Variants in MTPN observed in about 807,000 individuals in gnomAD.
MTPN encodes granule cell differentiation protein.
Under a neutral mutation model 13.5 loss-of-function variants are expected in MTPN, and 2 were observed. The ratio of observed to expected loss-of-function variants is 0.15; its 90% CI spans 0.06 to 0.47. The LOEUF is 0.47. Ranked by LOEUF, MTPN falls within the 20% of genes least tolerant of loss-of-function variation. The pLI, the probability that MTPN is intolerant of heterozygous loss-of-function variation, is 0.97. For missense variants in MTPN, 79 were observed against 137.9 expected (o/e 0.57, Z 2.14); for synonymous variants, 46 against 51.7 (o/e 0.89, Z 0.48).
chr7:135,941,083 A>G (rs1382787227), intron 3 of MTPN, among the ~76,000 whole-genome samples: 1 of 152,196 alleles, frequency 6.6e-6, no homozygotes, highest in Non-Finnish European at 1.5e-5. Flanking sequence ...CCTTAACAGA[A>G]AATGTTTACT....
chr7:135,962,366 C>T (rs927703757), intron 1 of MTPN, among the ~76,000 whole-genome samples: 1 of 151,728 alleles, frequency 6.6e-6, no homozygotes, highest in Non-Finnish European at 1.5e-5. Flanking sequence ...CAAACCAATA[C>T]TAAATCTCCT....
chr7:135,929,879 A>C lies in MTPN; in HGVS notation c.*47T>G, dbSNP rs1798990334. ...TGACAGACAGACAGGCAGCAGTGTG[A>C]GGCCACAGGAGAGTCATTCTTCCGG... On this transcript the variant is annotated 3_prime_UTR_variant, in exon 4 of 4. Coordinates refer to ENST00000393085, the MANE Select transcript of MTPN (RefSeq NM_145808.4). The C allele has an allele frequency of 1.3e-6, 2 of 1,563,324 alleles. No homozygotes were observed. The highest frequency in any genetic ancestry group is 1.8e-6 in the Non-Finnish European group (2 of 1,133,616).
chr7:135,972,231 G>GCGCGCACACACACACA lies in MTPN; in HGVS notation c.72+4797_72+4798insTGTGTGTGTGTGCGCG, dbSNP rs779296906. 1.2e-3 allele frequency among the ~76,000 whole-genome samples: 150 copies of GCGCGCACACACACACA among 124,702 alleles called. 2 individuals carry two copies. Among genetic ancestry groups the GCGCGCACACACACACA allele is most frequent in the African/African-American group, 3.7e-3 (125 of 33,340 alleles). 81.8% of individuals were successfully genotyped at this position (124,702 alleles called of 152,430 possible). ...CACACGCGCACACGCGCACGCGCGC[G>GCGCGCACACACACACA]CACACACACACACACACACACACAC... On this transcript the variant is annotated intron_variant, in intron 1 of 3. Transcript: ENST00000393085.
chr7:135,956,680 A>G (rs1435289212), intron 1 of MTPN, among the ~76,000 whole-genome samples: 2 of 150,926 alleles, frequency 1.3e-5, no homozygotes, highest in African/African-American at 2.4e-5. Context: ...TATGTTCTGT[A>G]TATCGTCCCT....
intron 1 of MTPN, chr7:135,960,703 G>C (rs1401494920): frequency 6.6e-6 from 1 of 151,838 alleles, no homozygotes; most frequent in Non-Finnish European, 1.5e-5. Context: ...CTTAACTTTA[G>C]TGTTTGCCTC....
At chr7:135,972,213 G>A (rs1024394695) in intron 1 of MTPN, among the ~76,000 whole-genome samples, 6 of 86,498 alleles carry the variant, frequency 6.9e-5, no homozygotes, top group African/African-American at 2.6e-4. Context: ...ATACACACGC[G>A]CACACGCGCA....
At chr7:135,972,231 G>GCGCGCACACACACACACACACACA (rs779296906) in intron 1 of MTPN, among the ~76,000 whole-genome samples, 5 of 124,716 alleles carry the variant, frequency 4.0e-5, no homozygotes, top group African/African-American at 1.5e-4. Flanking sequence ...GCACGCGCGC[G>GCGCGCACACACACACACACACACA]CACACACACA....
chr7:135,969,793 T>G (rs780522861), intron 1 of MTPN, among the ~76,000 whole-genome samples: 1 of 152,038 alleles, frequency 6.6e-6, no homozygotes, highest in African/African-American at 2.4e-5. Context: ...TTGCAAAACA[T>G]GATAAAAAAC....
intron 3 of MTPN, among the ~76,000 whole-genome samples, chr7:135,948,492 C>T (rs976744144): frequency 6.6e-6 from 1 of 152,112 alleles, no homozygotes; most frequent in Non-Finnish European, 1.5e-5. Flanking sequence ...AGTAAGACAA[C>T]TCACAATCAA....
intron 1 of MTPN, among the ~76,000 whole-genome samples, chr7:135,958,905 C>T (rs992020172): frequency 1.3e-5 from 2 of 152,124 alleles, no homozygotes; most frequent in Non-Finnish European, 2.9e-5. Flanking sequence ...ATCTTTATAA[C>T]AGTCTAGAAA....
chr7:135,965,698 C>T (rs1054540172), intron 1 of MTPN, among the ~76,000 whole-genome samples: 1 of 152,092 alleles, frequency 6.6e-6, no homozygotes, highest in East Asian at 1.9e-4. Context: ...TATACTAATA[C>T]AACTGTTGTC....
rs1798935900 is a variant in MTPN at position 135,927,335 on chromosome 7, A to G, written c.*2591T>C. On this transcript the variant is annotated 3_prime_UTR_variant, in exon 4 of 4. Transcript: ENST00000393085. ...GATATTCAAGTGCTGTATTTGAACG[A>G]TAAGCCTATAGATAACAGTCTGAAG... The G allele has an allele frequency of 6.4e-7, 1 of 1,551,212 alleles. No homozygotes were observed. The highest frequency in any genetic ancestry group is 8.7e-7 in the Non-Finnish European group (1 of 1,146,794).
At chr7:135,957,827 C>T (rs1799466396) in intron 1 of MTPN, among the ~76,000 whole-genome samples, 1 of 151,996 alleles carries the variant, frequency 6.6e-6, no homozygotes, top group Admixed American at 6.6e-5. Flanking sequence ...TCCTCCCTCC[C>T]TTGCTTCCTC....
At chr7:135,970,773 T>C (rs1187757274) in intron 1 of MTPN, among the ~76,000 whole-genome samples, 1 of 152,130 alleles carries the variant, frequency 6.6e-6, no homozygotes, top group Admixed American at 6.5e-5. Context: ...TTTTTTAAAA[T>C]GACTAAAAGC....
chr7:135,943,754 C>A lies in MTPN; in HGVS notation c.270+6845G>T, dbSNP rs370380448. 4.6e-5 allele frequency among the ~76,000 whole-genome samples: 7 copies of A among 152,062 alleles called. No individual in the cohort carries two copies. In the East Asian group the frequency reaches 1.3e-3, roughly 29 times the overall value. The stretch of plus-strand genomic sequence containing the variant: ...TTGTTGTAAGATTAGAGTTGGCTTC[C>A]TGAGGAGATAAATTCTTTTGACACA... On this transcript the variant is annotated intron_variant, in intron 3 of 3. Coordinates refer to ENST00000393085, the MANE Select transcript of MTPN (RefSeq NM_145808.4).
chr7:135,933,807 C>T (rs1227521852), intron 3 of MTPN, among the ~76,000 whole-genome samples: 4 of 152,100 alleles, frequency 2.6e-5, no homozygotes, highest in Non-Finnish European at 5.9e-5. Flanking sequence ...CTATAATTCC[C>T]AATGTTGGAG....
intron 1 of MTPN, among the ~76,000 whole-genome samples, chr7:135,959,234 C>A (rs992320907): frequency 1.3e-5 from 2 of 152,092 alleles, no homozygotes; most frequent in Admixed American, 1.3e-4. Context: ...TCTAGACATG[C>A]AATAAATATC....
intron 1 of MTPN, among the ~76,000 whole-genome samples, chr7:135,973,713 C>T (rs575587432): frequency 2.0e-5 from 3 of 152,178 alleles, no homozygotes; most frequent in African/African-American, 4.8e-5. Context: ...GTTTTCCAGC[C>T]GGACAACTGA....
At chr7:135,953,331 C>A (rs541040166) in intron 1 of MTPN, among the ~76,000 whole-genome samples, 77 of 152,168 alleles carry the variant, frequency 5.1e-4, no homozygotes, top group Non-Finnish European at 9.9e-4. Flanking sequence ...TCTTTCCCAA[C>A]AGAATGCAAA....
Sources: allele counts gnomAD v4.1 joint callset (sites outside exome capture counted in the v4.1 genomes callset), GRCh38; gene constraint gnomAD v4.1.1; transcripts MANE v1.5; gene names NCBI Gene and HGNC (gene_info 2026-07-23, HGNC 2026-07-21).